HSPH1: variants seen among roughly 807,000 people sequenced by gnomAD.
HSPH1 encodes the protein heat shock protein 105 kDa.
Under a neutral mutation model 100.0 loss-of-function variants are expected in HSPH1, and 40 were observed. The observed-to-expected ratio is 0.40, with a 90% CI of 0.31 to 0.52. The LOEUF is 0.52. HSPH1 is among the 20% of genes least tolerant of loss of function. HSPH1 has a pLI of 0.54. For synonymous variants in HSPH1, 403 were observed against 344.0 expected (o/e 1.17, Z -1.90); for missense variants, 876 against 1,015.1 (o/e 0.86, Z 1.86).
In HSPH1 at chr13:31,137,442, C is replaced by A; in HGVS notation, c.2453G>T (p.Gly818Val). Residue 818 changes from glycine (G) to valine (V), a missense_variant, in exon 18 of 18, where the codon GGC becomes GTC. Gly to Val is a moderately radical substitution (Grantham distance 109). Transcript: ENST00000320027. ...ESPKLERTPN[G>V]PNIDKKEEDL... is the part of the protein sequence containing the mutation. ...TTCTTCCTTTTTATCAATATTTGGG[C>A]CATTTGGAGTTCTTTCCAGTTTGGG... The A allele has an allele frequency of 1.9e-6, 3 of 1,613,412 alleles. No individual in the cohort carries two copies. Among genetic ancestry groups the A allele is most frequent in the Non-Finnish European group, 2.5e-6 (3 of 1,179,604 alleles).
Position 31,137,008 on chromosome 13 carries a change from AAGC to A in HSPH1, c.*307_*309del. ...GATTTTAATCACAGCCCTCTTGAAC[AAGC>A]AGTACAGTTTTTTTTCTCCAAAAGA... On this transcript the variant is annotated 3_prime_UTR_variant, in exon 18 of 18. Transcript: ENST00000320027. 2.2e-6 allele frequency: 1 copy of A among 460,424 alleles called. No homozygotes were observed. The highest frequency in any genetic ancestry group is 5.7e-5 in the East Asian group (1 of 17,404). The allele number at this position is 460,424 out of a possible 1,614,324, so 28.5% of individuals were successfully genotyped here.
intron 1 of HSPH1, 82 bp from the exon 2 acceptor site, chr13:31,158,945 TG>T (rs1956801221): frequency 1.2e-6 from 1 of 864,616 alleles, no homozygotes; most frequent in Non-Finnish European, 2.0e-6. Context: ...CTAACATAAA[TG>T]TCCTACCCAT....
Position 31,161,776 on chromosome 13 carries a change from C to T in HSPH1, c.-194G>A. The T allele has an allele frequency of 6.7e-7, 1 of 1,501,950 alleles. No individual in the cohort carries two copies. Among genetic ancestry groups the T allele is most frequent in the Non-Finnish European group, 8.9e-7 (1 of 1,126,780 alleles). The allele number at this position is 1,501,950 out of a possible 1,614,324, so 93.0% of individuals were successfully genotyped here. The stretch of plus-strand genomic sequence containing the variant: ...GAGCCTCCTACTCCCCCGGGGACAG[C>T]GGCGGCTGGCTGATAAGAAACCCTG... On this transcript the variant is annotated 5_prime_UTR_variant, in exon 1 of 18. Transcript: ENST00000320027.
intron 7 of HSPH1, among the ~76,000 whole-genome samples, chr13:31,150,585 C>A (rs542419489): frequency 1.2e-3 from 176 of 152,230 alleles, no homozygotes; most frequent in African/African-American, 4.1e-3. Flanking sequence ...CACCATGCAG[C>A]CCTTCTAAAT....
In HSPH1 at chr13:31,161,508, G is replaced by T; in HGVS notation, c.75C>A (p.Thr25=). 1 of 1,614,010 alleles carries T rather than the reference G, an allele frequency of 6.2e-7. No individual in the cohort carries two copies. Among genetic ancestry groups the T allele is most frequent in the South Asian group, 1.1e-5 (1 of 91,076 alleles). ...IAVARAGGIE[T]IANEFSDRCT... ...ACCGGTCGCTGAACTCATTGGCGAT[G>T]GTCTCGATGCCCCCGGCCCGGGCTA... Residue 25 remains threonine, a synonymous_variant, in exon 1 of 18, where the codon ACC becomes ACA. Coordinates refer to ENST00000320027, the MANE Select transcript of HSPH1 (RefSeq NM_006644.4).
In HSPH1 at chr13:31,159,129, C is replaced by A. The variant is rs74898809; in HGVS notation, c.108-266G>T. Among the ~76,000 whole-genome samples the A allele has an allele frequency of 2.0e-5, 3 of 152,248 alleles. No homozygotes were observed. The East Asian group carries it at 5.8e-4, about 29-fold the overall frequency. ...TTCTCCAGGTTCCAGTTATTATGAA[C>A]CGAACATTAACTTTGAAAATGTTTT... On this transcript the variant is annotated intron_variant, in intron 1 of 17. Coordinates refer to ENST00000320027, the MANE Select transcript of HSPH1 (RefSeq NM_006644.4).
intron 4 of HSPH1, among the ~76,000 whole-genome samples, chr13:31,153,646 C>T (rs919551608): frequency 2.0e-5 from 3 of 152,092 alleles, no homozygotes; most frequent in African/African-American, 2.4e-5. Flanking sequence ...ACAACACATT[C>T]GTAGAATCAT....
chr13:31,154,612 G>A, intron 4 of HSPH1, 21 bp downstream of exon 4: 1 of 1,613,670 alleles, frequency 6.2e-7, no homozygotes, highest in Non-Finnish European at 8.5e-7. Context: ...AAAACACACT[G>A]CCTTGCTGAA....
chr13:31,145,439 T>C (rs1956233379), intron 11 of HSPH1, 124 bp downstream of exon 11: 3 of 727,956 alleles, frequency 4.1e-6, no homozygotes, highest in Non-Finnish European at 6.7e-6. Context: ...TATCATTACC[T>C]AAAATTCTGA....
chr13:31,154,909 G>A (rs1416446946), intron 3 of HSPH1, among the ~76,000 whole-genome samples, 154 bp from the exon 4 acceptor site: 2 of 151,940 alleles, frequency 1.3e-5, no homozygotes, highest in South Asian at 2.1e-4. Context: ...GAGGAAAAAG[G>A]GAAGGGGAAG....
intron 11 of HSPH1, among the ~76,000 whole-genome samples, chr13:31,144,805 T>C (rs1956213540): frequency 6.6e-6 from 1 of 152,118 alleles, no homozygotes; most frequent in Non-Finnish European, 1.5e-5. Flanking sequence ...ATTTAACCCA[T>C]TACTGTACAT....
Position 31,137,158 on chromosome 13 carries a change from A to G in HSPH1, c.*160T>C, listed in dbSNP as rs1328159280. ...GCAATTTTCCCTTTTAGGATCATAAAGACTACAGACTTAAGCTTTTTTTCT... is the reference window on the plus strand; with the variant it reads ...GCAATTTTCCCTTTTAGGATCATAAGGACTACAGACTTAAGCTTTTTTTCT... On this transcript the variant is annotated 3_prime_UTR_variant, in exon 18 of 18. Coordinates refer to ENST00000320027, the MANE Select transcript of HSPH1 (RefSeq NM_006644.4). The G allele has an allele frequency of 1.4e-6, 1 of 729,910 alleles. No individual in the cohort carries two copies. The highest frequency in any genetic ancestry group is 2.5e-6 in the Non-Finnish European group (1 of 402,822). 45.2% of individuals were successfully genotyped at this position (729,910 alleles called of 1,614,324 possible). A position where few individuals can be genotyped will look rare whatever the true frequency, so the allele number is the denominator to read the frequency against.
chr13:31,141,832 T>TCACAC (rs1441586392), intron 12 of HSPH1, among the ~76,000 whole-genome samples: 1 of 138,680 alleles, frequency 7.2e-6, no homozygotes, highest in Middle Eastern at 3.7e-3. Flanking sequence ...ACACACACAT[T>TCACAC]ATTACTATCC....
intron 2 of HSPH1, among the ~76,000 whole-genome samples, chr13:31,158,053 AC>A (rs1216127234): frequency 1.3e-5 from 2 of 152,244 alleles, no homozygotes; most frequent in Non-Finnish European, 2.9e-5. Context: ...TTTAAACAGC[AC>A]AGGTCTGGAC....
In HSPH1 at chr13:31,137,321, G is replaced by A; in HGVS notation, c.2574C>T (p.Asp858=). The change falls in exon 18 of 18, where the codon GAC becomes GAT. Residue 858 remains aspartate, a synonymous_variant. Coordinates refer to ENST00000320027, the MANE Select transcript of HSPH1 (RefSeq NM_006644.4). ...GAATAGGCCAATTTAAGGTTATCTA[G>A]TCCAAGTCCATATTAACAGAATTTT... ...NEKNSVNMDL[D] The A allele has an allele frequency of 1.9e-6, 3 of 1,596,306 alleles. No individual in the cohort carries two copies. The highest frequency in any genetic ancestry group is 2.7e-5 in the African/African-American group (2 of 74,460).
chr13:31,138,420 T>G lies in HSPH1; in HGVS notation c.2357A>C (p.Lys786Thr). 1 of 1,612,862 alleles carries G rather than the reference T, an allele frequency of 6.2e-7. No homozygotes were observed. Among genetic ancestry groups the G allele is most frequent in the Non-Finnish European group, 8.5e-7 (1 of 1,179,236 alleles). Residue 786 changes from lysine to threonine, a missense_variant, in exon 17 of 18, where the codon AAA becomes ACA. By Grantham distance (78) the Lys-to-Thr change is moderately conservative. Coordinates refer to ENST00000320027, the MANE Select transcript of HSPH1 (RefSeq NM_006644.4). ...AGTAACACTCACCTTGATTTTTGTT[T>G]TAATTTCCTGAGCACGTACAACTGG... ...QDPVVRAQEI[K>T]TKIKELNNTC...
At chr13:31,139,326 A>G in intron 14 of HSPH1, 1 of 507,570 alleles carries the variant, frequency 2.0e-6, no homozygotes, top group Non-Finnish European at 3.5e-6. Context: ...TGGTTTCTAG[A>G]AGAGTATCTT....
intron 8 of HSPH1, among the ~76,000 whole-genome samples, chr13:31,148,979 T>A (rs1446092462): frequency 3.9e-5 from 6 of 152,084 alleles, no homozygotes; most frequent in African/African-American, 1.4e-4. Context: ...GGTGGACAAT[T>A]CCCTATTTAG....
At chr13:31,162,082 C>T, upstream of HSPH1, 1 of 1,536,148 alleles carries the variant, frequency 6.5e-7, no homozygotes, top group Admixed American at 2.0e-5. Context: ...CGGAGAACGG[C>T]CGCCGTTGCC....
Sources: allele counts gnomAD v4.1 joint callset (sites outside exome capture counted in the v4.1 genomes callset), GRCh38; gene constraint gnomAD v4.1.1; transcripts MANE v1.5; gene names NCBI Gene and HGNC (gene_info 2026-07-23, HGNC 2026-07-21).